ACSM3: variants seen among roughly 807,000 people sequenced by gnomAD.
ACSM3 encodes acyl-coenzyme A synthetase ACSM3, mitochondrial.
ACSM3 carries 61 observed loss-of-function variants against 74.1 expected under a neutral mutation model. That is an observed-to-expected ratio of 0.82 (90% confidence interval 0.67 to 1.02). The LOEUF is 1.02. ACSM3 is among the 50% of genes least tolerant of loss of function. The pLI is 0.00. For missense variants in ACSM3, 660 were observed against 697.0 expected (o/e 0.95, Z 0.60); for synonymous variants, 213 against 241.5 (o/e 0.88, Z 1.09).
In ACSM3 at chr16:20,775,983, C is replaced by T. The variant is rs746996527; in HGVS notation, c.364C>T (p.Arg122Trp). The change falls in exon 3 of 14, where the codon CGG becomes TGG. Residue 122 changes from arginine to tryptophan, a missense_variant. Coordinates refer to ENST00000289416, the MANE Select transcript of ACSM3 (RefSeq NM_005622.4). ...AGCCTGTTCCCTACAAAGAGGAGAT[C>T]GGGTAATTCTGATTCTGCCCAGGGT... ...SEACSLQRGD[R>W]VILILPRVPE... 1.1e-5 allele frequency: 17 copies of T among 1,613,998 alleles called. No individual in the cohort carries two copies. In the Admixed American group the frequency reaches 1.2e-4, roughly 11 times the overall value.
chr16:20,705,002 G>C (rs538388944), intron 1 of ACSM3, among the ~76,000 whole-genome samples: 2 of 152,340 alleles, frequency 1.3e-5, no homozygotes, highest in East Asian at 3.9e-4. Flanking sequence ...ATCTTGAAGT[G>C]AAATGTACTA....
intron 1 of ACSM3, among the ~76,000 whole-genome samples, chr16:20,689,508 T>C (rs761813863): frequency 6.6e-6 from 1 of 152,012 alleles, no homozygotes; most frequent in African/African-American, 2.4e-5. Flanking sequence ...TCAAAAGACA[T>C]AGATTGGCAG....
intron 2 of ACSM3, among the ~76,000 whole-genome samples, chr16:20,751,436 A>G (rs1409868586): frequency 6.6e-6 from 1 of 152,250 alleles, no homozygotes; most frequent in African/African-American, 2.4e-5. Context: ...AAAAAAATTC[A>G]TAACTTCAAG....
At chr16:20,752,004 A>G (rs1335371816) in intron 2 of ACSM3, among the ~76,000 whole-genome samples, 1 of 152,148 alleles carries the variant, frequency 6.6e-6, no homozygotes, top group Non-Finnish European at 1.5e-5. Flanking sequence ...ATATAGTACT[A>G]CTTAGCTTAC....
intron 1 of ACSM3, chr16:20,690,897 A>G: frequency 8.7e-7 from 1 of 1,151,218 alleles, no homozygotes; most frequent in Non-Finnish European, 1.2e-6. Context: ...AAGTTGAGGC[A>G]GAAGTAACTT....
At chr16:20,775,263 C>T (rs952654188) in intron 2 of ACSM3, among the ~76,000 whole-genome samples, 1 of 152,098 alleles carries the variant, frequency 6.6e-6, no homozygotes, top group African/African-American at 2.4e-5. Flanking sequence ...TATAGCAGCT[C>T]GGGTCCTGGG....
chr16:20,740,547 T>C (rs964891720), intron 1 of ACSM3, among the ~76,000 whole-genome samples: 1 of 152,254 alleles, frequency 6.6e-6, no homozygotes, highest in Admixed American at 6.5e-5. Flanking sequence ...CCAGTATGTA[T>C]TTTATGTACA....
intron 1 of ACSM3, among the ~76,000 whole-genome samples, chr16:20,724,552 A>G (rs2079797934): frequency 6.6e-6 from 1 of 152,236 alleles, no homozygotes; most frequent in African/African-American, 2.4e-5. Context: ...GGAGAAGGAA[A>G]TAAAGGGCAT....
intron 1 of ACSM3, chr16:20,731,731 T>C (rs2079831708): frequency 2.7e-6 from 1 of 369,500 alleles, no homozygotes; most frequent in Non-Finnish European, 4.8e-6. Flanking sequence ...CTTACAAATA[T>C]CCAAGAAAGT....
intron 1 of ACSM3, chr16:20,702,735 T>G (rs544269139): frequency 2.0e-5 from 3 of 152,372 alleles, no homozygotes; most frequent in African/African-American, 7.2e-5. Flanking sequence ...ATGGGTAGAT[T>G]GCAAACATTT....
chr16:20,706,138 G>T (rs2079726947), intron 1 of ACSM3, among the ~76,000 whole-genome samples: 1 of 151,424 alleles, frequency 6.6e-6, no homozygotes, highest in Non-Finnish European at 1.5e-5. Context: ...GAAAAAGACA[G>T]AAAAAATATT....
chr16:20,719,161 A>C (rs1476336216), intron 1 of ACSM3: 2 of 156,900 alleles, frequency 1.3e-5, no homozygotes, highest in African/African-American at 4.8e-5. Context: ...CCTGAAAGAT[A>C]CCAGTTGTTT....
At chr16:20,744,130 T>C (rs1354359215) in intron 1 of ACSM3, among the ~76,000 whole-genome samples, 1 of 152,170 alleles carries the variant, frequency 6.6e-6, no homozygotes, top group Non-Finnish European at 1.5e-5. Context: ...CTCTGAGGTT[T>C]TTCTGCAATT....
chr16:20,741,481 G>GGGGGGGGGGGGGCGGCC, intron 1 of ACSM3: 1 of 1,308,412 alleles, frequency 7.6e-7, no homozygotes, highest in Non-Finnish European at 9.9e-7. Flanking sequence ...CTGGCAGCCG[G>GGGGGGGGGGGGGCGGCC]CCCGCCCGCC....
At chr16:20,776,975 A>T (rs1021937833) in intron 3 of ACSM3, among the ~76,000 whole-genome samples, 1 of 152,218 alleles carries the variant, frequency 6.6e-6, no homozygotes, top group Non-Finnish European at 1.5e-5. Flanking sequence ...TTACTACTTA[A>T]GTGATACCTT....
chr16:20,776,195 T>A, intron 3 of ACSM3, 146 bp downstream of exon 3: 1 of 833,946 alleles, frequency 1.2e-6, no homozygotes. Context: ...TAGGCCGTGG[T>A]AGGCTAATTC....
intron 2 of ACSM3, among the ~76,000 whole-genome samples, chr16:20,753,978 G>A (rs959922416): frequency 6.6e-6 from 1 of 152,174 alleles, no homozygotes; most frequent in African/African-American, 2.4e-5. Flanking sequence ...AACTGAGGGA[G>A]TAATATCCTG....
chr16:20,756,099 T>C (rs1437815770), intron 3 of ACSM3, among the ~76,000 whole-genome samples: 1 of 152,164 alleles, frequency 6.6e-6, no homozygotes, highest in African/African-American at 2.4e-5. Flanking sequence ...AACATACGTG[T>C]GCATGTGTCT....
At chr16:20,717,963 GAAGAAGAAGAAGAAGAAGAAGAA>G (rs1567323227) in intron 1 of ACSM3, among the ~76,000 whole-genome samples, 1,225 of 93,664 alleles carry the variant, frequency 0.013, 25 homozygotes, top group Non-Finnish European at 0.015. Context: ...AGAGGAAGAA[GAAGAAGAAGAAGAAGAAGAAGAA>G]GAAGAAGAAG....
Sources: allele counts gnomAD v4.1 joint callset (sites outside exome capture counted in the v4.1 genomes callset), GRCh38; gene constraint gnomAD v4.1.1; transcripts MANE v1.5; gene names NCBI Gene and HGNC (gene_info 2026-07-23, HGNC 2026-07-21).